The following ANXA3 variants were observed in gnomAD, a reference collection of about 807,000 sequenced individuals.
ANXA3 encodes 35-alpha calcimedin.
ANXA3 carries 46 observed loss-of-function variants against 48.8 expected under a neutral mutation model. The observed-to-expected ratio is 0.94, with a 90% confidence interval of 0.74 to 1.21. The LOEUF is 1.21. ANXA3 is among the 50% of genes most tolerant of loss of function. The pLI, the probability that ANXA3 is intolerant of heterozygous loss-of-function variation, is 0.00. For missense variants in ANXA3, 383 were observed against 378.6 expected (o/e 1.01, Z -0.10); for synonymous variants, 128 against 134.7 (o/e 0.95, Z 0.35).
At chr4:78,594,038 A>G (rs1723363563) in intron 7 of ANXA3, among the ~76,000 whole-genome samples, 1 of 151,934 alleles carries the variant, frequency 6.6e-6, no homozygotes, top group South Asian at 2.1e-4. Context: ...TGTCCTAAAA[A>G]TCCTCTGTGC....
At chr4:78,598,440 A>G (rs978916388) in intron 10 of ANXA3, among the ~76,000 whole-genome samples, 3 of 152,232 alleles carry the variant, frequency 2.0e-5, no homozygotes, top group Admixed American at 6.5e-5. Context: ...CAATTAAAAA[A>G]GTAGAATTGA....
chr4:78,560,603 G>A (rs146139224), intron 2 of ANXA3, among the ~76,000 whole-genome samples: 12 of 152,282 alleles, frequency 7.9e-5, no homozygotes, highest in South Asian at 6.2e-4. Context: ...ATGTAGACAC[G>A]AATGATTGAT....
intron 6 of ANXA3, among the ~76,000 whole-genome samples, chr4:78,586,585 A>G (rs1723184376): frequency 6.6e-6 from 1 of 152,246 alleles, no homozygotes; most frequent in Admixed American, 6.5e-5. Flanking sequence ...TTATAATATT[A>G]CAGCTGCAGT....
intron 12 of ANXA3, among the ~76,000 whole-genome samples, chr4:78,609,591 G>C (rs1479634612): frequency 6.6e-6 from 1 of 152,188 alleles, no homozygotes; most frequent in Non-Finnish European, 1.5e-5. Flanking sequence ...GATAAGATTT[G>C]AGGCAAGTTT....
intron 6 of ANXA3, among the ~76,000 whole-genome samples, chr4:78,590,130 A>T (rs912144577): frequency 6.6e-6 from 1 of 152,210 alleles, no homozygotes; most frequent in Non-Finnish European, 1.5e-5. Flanking sequence ...TAATTCCAAA[A>T]TTACAAAATA....
intron 10 of ANXA3, among the ~76,000 whole-genome samples, chr4:78,597,951 T>C (rs1723455381): frequency 6.6e-6 from 1 of 152,238 alleles, no homozygotes; most frequent in South Asian, 2.1e-4. Context: ...AAATTTGTAT[T>C]TGTCTTGTGA....
At position 78,597,415 on chromosome 4, in the gene ANXA3, G is replaced by A; in HGVS notation, c.730+1G>A. ...TTTGAAGACTTACTGTTGGCCATAG[G>A]TAAGACTTCGAGTGCTGGTAAACTA... On this transcript the variant is annotated splice_donor_variant, in intron 10 of 12. Transcript: ENST00000264908. LOFTEE classifies it high-confidence loss of function. The A allele has an allele frequency of 1.3e-6, 2 of 1,587,676 alleles. No homozygotes were observed. Among genetic ancestry groups the A allele is most frequent in the Non-Finnish European group, 1.7e-6 (2 of 1,159,220 alleles).
intron 9 of ANXA3, among the ~76,000 whole-genome samples, chr4:78,596,253 C>T (rs1337072676): frequency 1.3e-5 from 2 of 152,220 alleles, no homozygotes; most frequent in African/African-American, 2.4e-5. Context: ...TTAGCCACTT[C>T]CAGAAAAGCC....
At chr4:78,604,168 C>A in intron 11 of ANXA3, 109 bp from the exon 12 acceptor site, 1 of 988,534 alleles carries the variant, frequency 1.0e-6, no homozygotes, top group Non-Finnish European at 1.4e-6. Flanking sequence ...AAAAGAATCA[C>A]TATAGTTGAA....
intron 10 of ANXA3, among the ~76,000 whole-genome samples, chr4:78,599,687 G>A (rs1723496928): frequency 6.6e-6 from 1 of 152,028 alleles, no homozygotes; most frequent in Non-Finnish European, 1.5e-5. Flanking sequence ...TTCTGAGACT[G>A]TTCCAATGGC....
intron 2 of ANXA3, among the ~76,000 whole-genome samples, chr4:78,559,936 T>A (rs1722591247): frequency 6.6e-6 from 1 of 152,232 alleles, no homozygotes; most frequent in South Asian, 2.1e-4. Flanking sequence ...TTCTAAAATG[T>A]ATTTCTTGCC....
At chr4:78,565,334 A>ATGGGAAG (rs1722709920) in intron 2 of ANXA3, among the ~76,000 whole-genome samples, 1 of 152,124 alleles carries the variant, frequency 6.6e-6, no homozygotes, top group South Asian at 2.1e-4. Context: ...ATGGCTGGAG[A>ATGGGAAG]TGGGAAGTAG....
rs145997992 is a variant in ANXA3, at chr4:78,582,897, C to T, written c.312+607C>T. ...TGCATAAATTTCCAATGGCTTTGTA[C>T]GCTTAAAATCCAAGCTTCTTATCAT... On this transcript the variant is annotated intron_variant, in intron 5 of 12. Transcript: ENST00000264908. Among the ~76,000 whole-genome samples the T allele has an allele frequency of 2.5e-3, 381 of 152,236 alleles. 2 individuals are homozygous for T. In the Middle Eastern group the frequency reaches 0.054, roughly 22 times the overall value.
chr4:78,579,957 A>G (rs1723039646), intron 4 of ANXA3, among the ~76,000 whole-genome samples: 2 of 152,216 alleles, frequency 1.3e-5, no homozygotes, highest in South Asian at 4.1e-4. Flanking sequence ...AAGTAAAAGT[A>G]AGACTTGGTC....
chr4:78,589,578 C>G lies in ANXA3; in HGVS notation c.404-1966C>G, dbSNP rs575815695. Among the ~76,000 whole-genome samples, 7 of 152,312 alleles carry G rather than the reference C, an allele frequency of 4.6e-5. No homozygotes were observed. The South Asian group carries it at 1.2e-3, about 27-fold the overall frequency. On this transcript the variant is annotated intron_variant, in intron 6 of 12. Transcript: ENST00000264908. Reference sequence around the variant, plus strand: ...TGTTCTTGACACCAGCAAGTAACATCCCCTCCCCTACCACATGGTGTTTGT... The same window carrying G: ...TGTTCTTGACACCAGCAAGTAACATGCCCTCCCCTACCACATGGTGTTTGT...
intron 5 of ANXA3, among the ~76,000 whole-genome samples, chr4:78,582,632 C>T (rs1260571394): frequency 6.6e-6 from 1 of 152,124 alleles, no homozygotes; most frequent in African/African-American, 2.4e-5. Context: ...TTCCAAGCTC[C>T]CAAATCTATC....
At chr4:78,572,706 A>G (rs547944233) in intron 2 of ANXA3, among the ~76,000 whole-genome samples, 15 of 152,340 alleles carry the variant, frequency 9.8e-5, no homozygotes, top group Middle Eastern at 3.4e-3. Context: ...TGTAGGTTCT[A>G]TAATAGTGAT....
chr4:78,584,175 T>A (rs1244744041), intron 5 of ANXA3, among the ~76,000 whole-genome samples: 4 of 152,224 alleles, frequency 2.6e-5, no homozygotes, highest in African/African-American at 9.6e-5. Context: ...TCTAAAAGTA[T>A]CTTGTCTATT....
chr4:78,574,276 T>C (rs1327629291), intron 3 of ANXA3, among the ~76,000 whole-genome samples: 1 of 152,068 alleles, frequency 6.6e-6, no homozygotes, highest in East Asian at 1.9e-4. Context: ...AAAAATTAGC[T>C]GGGCTTAGTG....
Sources: allele counts gnomAD v4.1 joint callset (sites outside exome capture counted in the v4.1 genomes callset), GRCh38; gene constraint gnomAD v4.1.1; transcripts MANE v1.5; gene names NCBI Gene and HGNC (gene_info 2026-07-23, HGNC 2026-07-21).